Variants in IGFALS observed in about 807,000 individuals in gnomAD.
The protein encoded by IGFALS is insulin-like growth factor-binding protein complex acid labile subunit.
In IGFALS, 2 loss-of-function variants were observed where a neutral mutation model predicts 2.6. The ratio of observed to expected loss-of-function variants is 0.77; its 90% CI spans 0.32 to 2.44. The LOEUF (loss-of-function observed/expected upper bound fraction) is 2.44. IGFALS is among the 30% of genes most tolerant of loss of function. The pLI, the probability that IGFALS is intolerant of heterozygous loss-of-function variation, is 0.11. For missense variants in IGFALS, 996 were observed against 848.7 expected (o/e 1.17, Z -2.16); for synonymous variants, 519 against 431.9 (o/e 1.20, Z -2.50).
chr16:1,790,883 C>T lies in IGFALS; in HGVS notation c.1535G>A (p.Ser512Asn). The change falls in exon 2 of 2, where the codon AGC becomes AAC. Residue 512 changes from serine to asparagine, a missense_variant. Transcript: ENST00000215539. ...LAPLGRLRYL[S>N]LRNNSLRTFT... ...GGTCCGCAGTGAGTTGTTCCTGAGG[C>T]TGAGGTAGCGCAGCCGCCCCAGTGG... 3 of 1,571,894 alleles carry T rather than the reference C, an allele frequency of 1.9e-6. No individual in the cohort carries two copies. The highest frequency in any genetic ancestry group is 2.6e-6 in the Non-Finnish European group (3 of 1,161,868).
chr16:1,791,120 A>T lies in IGFALS; in HGVS notation c.1298T>A (p.Leu433Gln). The T allele has an allele frequency of 6.2e-7, 1 of 1,603,414 alleles. No homozygotes were observed. Among genetic ancestry groups the T allele is most frequent in the Non-Finnish European group, 8.5e-7 (1 of 1,179,618 alleles). The change falls in exon 2 of 2, where the codon CTG becomes CAG. Residue 433 changes from leucine (L) to glutamine (Q), a missense_variant. Physicochemically the swap from Leu to Gln is moderately radical, Grantham distance 113 (BLOSUM62 -2). Transcript: ENST00000215539. ...CAGGTCGAGCTCCAGCAGCTCCGCC[A>T]GCCCCCACAGGCTCTGCTCCTCAAT... ...VGIEEQSLWG[L>Q]AELLELDLTS...
chr16:1,791,268 C>A lies in IGFALS; in HGVS notation c.1150G>T (p.Gly384Cys). 6.2e-7 allele frequency: 1 copy of A among 1,609,292 alleles called. No individual in the cohort carries two copies. The highest frequency in any genetic ancestry group is 8.5e-7 in the Non-Finnish European group (1 of 1,179,908). ...TGCAGGCTGTGCAGCTTGCCCAGGC[C>A]CCGGAACACCTGCTCCGGAAGGTTC... Reference protein sequence around the residue: ...LRNLPEQVFRGLGKLHSLHLE... With the variant: ...LRNLPEQVFRCLGKLHSLHLE... Residue 384 changes from glycine (G) to cysteine (C), a missense_variant, in exon 2 of 2, where the codon GGC (glycine) becomes TGC (cysteine). Transcript: ENST00000215539.
Position 1,792,155 on chromosome 16 carries a change from G to A in IGFALS, c.263C>T (p.Ser88Phe). Residue 88 changes from serine to phenylalanine, a missense_variant, in exon 2 of 2, where the codon TCC (serine) becomes TTC (phenylalanine). Physicochemically the swap from Ser to Phe is radical, Grantham distance 155 (BLOSUM62 -2). Coordinates refer to ENST00000215539, the MANE Select transcript of IGFALS (RefSeq NM_004970.3). ...GTTCTGGAAGGCTGCCGGGGGGACG[G>A]ACGAGAGGTTGTTGCCGTCCAGCCA... ...ALWLDGNNLS[S>F]VPPAAFQNLS... is the part of the protein sequence containing the mutation. 1.2e-6 allele frequency: 2 copies of A among 1,611,520 alleles called. No individual in the cohort carries two copies. The highest frequency in any genetic ancestry group is 1.7e-6 in the Non-Finnish European group (2 of 1,179,714).
chr16:1,793,708 C>G (rs767834945), upstream of IGFALS: 1 of 1,531,644 alleles, frequency 6.5e-7, no homozygotes, highest in East Asian at 2.4e-5. Flanking sequence ...TCTGCTGTGC[C>G]GGCCACCCCT....
rs545455326 is a variant in IGFALS, at chr16:1,792,404, G to A, written c.17-3C>T. 4.8e-4 allele frequency: 742 copies of A among 1,560,880 alleles called. 8 individuals are homozygous for A. The South Asian group carries it at 8.3e-3, about 17-fold the overall frequency. On this transcript the variant is annotated splice_region_variant and splice_polypyrimidine_tract_variant and intron_variant, in intron 1 of 1. Coordinates refer to ENST00000215539, the MANE Select transcript of IGFALS (RefSeq NM_004970.3). ...CAGCAGCGCCAGGGCCAGGCCTCCT[G>A]CGGGGGGAGAGGCTTGGGGAGGCGG...
rs1481925827 is a variant in IGFALS, at chr16:1,791,040, G to C, written c.1378C>G (p.Leu460Val). 1 of 1,598,526 alleles carries C rather than the reference G, an allele frequency of 6.3e-7. No homozygotes were observed. The highest frequency in any genetic ancestry group is 8.5e-7 in the Non-Finnish European group (1 of 1,179,820). ...PHRLFQGLGKLEYLLLSRNRL... is the reference protein window; with the variant it reads ...PHRLFQGLGKVEYLLLSRNRL... ...TTGCGGGAGAGCAGCAGGTACTCCAGCTTGCCCAGGCCCTGGAAGAGGCGG... is the reference window on the plus strand; with the variant it reads ...TTGCGGGAGAGCAGCAGGTACTCCACCTTGCCCAGGCCCTGGAAGAGGCGG... Residue 460 changes from leucine (L) to valine (V), a missense_variant, in exon 2 of 2, where the codon CTG (leucine) becomes GTG (valine). Leu to Val is a conservative substitution (Grantham distance 32). Coordinates refer to ENST00000215539, the MANE Select transcript of IGFALS (RefSeq NM_004970.3).
chr16:1,794,601 G>C, upstream of IGFALS, among the ~76,000 whole-genome samples: 1 of 152,098 alleles, frequency 6.6e-6, no homozygotes, highest in Non-Finnish European at 1.5e-5. Flanking sequence ...CCCTCCACCT[G>C]CTCAAACCAC....
chr16:1,792,582 A>T, intron 1 of IGFALS, 181 bp from the exon 2 acceptor site: 1 of 1,205,788 alleles, frequency 8.3e-7, no homozygotes, highest in South Asian at 1.7e-5. Context: ...TGCGCTTCCC[A>T]CCCCATGGGA....
At chr16:1,793,829 C>A, upstream of IGFALS, 1 of 568,962 alleles carries the variant, frequency 1.8e-6, no homozygotes, top group Admixed American at 2.8e-5. Flanking sequence ...GGCATCAGCC[C>A]GGAGCCCTGG....
rs1267535360 is a variant in IGFALS at position 1,792,206 on chromosome 16, C to A, written c.212G>T (p.Gly71Val). 7 of 1,610,210 alleles carry A rather than the reference C, an allele frequency of 4.3e-6. No individual in the cohort carries two copies. The highest frequency in any genetic ancestry group is 5.9e-6 in the Non-Finnish European group (7 of 1,179,742). The change falls in exon 2 of 2, where the codon GGA becomes GTA. Residue 71 changes from glycine to valine, a missense_variant. By Grantham distance (109) the Gly-to-Val change is moderately radical (BLOSUM62 -3). Transcript: ENST00000215539. ...CAGGGCTTGGGTGCCGCCCGGGACT[C>A]CATCAGGCAGGCGCGTGAGGTTCCT... ...SSRNLTRLPD[G>V]VPGGTQALWL...
rs1282339848 is a variant in IGFALS at position 1,790,884 on chromosome 16, T to A, written c.1534A>T (p.Ser512Cys). Reference sequence around the variant, plus strand: ...GTCCGCAGTGAGTTGTTCCTGAGGCTGAGGTAGCGCAGCCGCCCCAGTGGT... The same window carrying A: ...GTCCGCAGTGAGTTGTTCCTGAGGCAGAGGTAGCGCAGCCGCCCCAGTGGT... ...LAPLGRLRYL[S>C]LRNNSLRTFT... The change falls in exon 2 of 2, where the codon AGC (serine) becomes TGC (cysteine). Residue 512 changes from serine (S) to cysteine (C), a missense_variant. By Grantham distance (112) the Ser-to-Cys change is moderately radical. Transcript: ENST00000215539. The A allele has an allele frequency of 6.4e-7, 1 of 1,572,548 alleles. No homozygotes were observed. The highest frequency in any genetic ancestry group is 1.2e-5 in the South Asian group (1 of 86,822).
chr16:1,794,584 C>T (rs1897293222), upstream of IGFALS, among the ~76,000 whole-genome samples: 1 of 152,178 alleles, frequency 6.6e-6, no homozygotes, highest in Non-Finnish European at 1.5e-5. Flanking sequence ...CCAGAGGCCC[C>T]TGGTTCCCCT....
chr16:1,792,501 G>C, intron 1 of IGFALS, 100 bp from the exon 2 acceptor site: 1 of 1,438,388 alleles, frequency 7.0e-7, no homozygotes, highest in African/African-American at 1.4e-5. Flanking sequence ...GTGAACTGAG[G>C]CTCGAGGTCA....
At position 1,792,226 on chromosome 16, in the gene IGFALS, G is replaced by A. The variant is rs201132128; in HGVS notation, c.192C>T (p.Asn64=). 3 of 1,606,904 alleles carry A rather than the reference G, an allele frequency of 1.9e-6. No individual in the cohort carries two copies. The highest frequency in any genetic ancestry group is 2.2e-5 in the East Asian group (1 of 44,824). The part of the protein sequence containing the change: ...DELSVFCSSR[N]LTRLPDGVPG... ...GGACTCCATCAGGCAGGCGCGTGAG[G>A]TTCCTGGAGCTGCAGAAGACGCTGA... The change falls in exon 2 of 2, where the codon AAC becomes AAT. Residue 64 remains asparagine, a synonymous_variant. Transcript: ENST00000215539.
At chr16:1,792,901 C>G (rs994809903) in intron 1 of IGFALS, among the ~76,000 whole-genome samples, 6 of 152,230 alleles carry the variant, frequency 3.9e-5, no homozygotes, top group East Asian at 3.9e-4. Context: ...TTAGGCCCCC[C>G]AGCGGGGTCT....
intron 1 of IGFALS, among the ~76,000 whole-genome samples, chr16:1,792,891 T>G (rs1429623114): frequency 1.3e-5 from 2 of 152,200 alleles, no homozygotes; most frequent in Non-Finnish European, 2.9e-5. Flanking sequence ...CCTGCCCCAG[T>G]TAGGCCCCCC....
In IGFALS at chr16:1,791,525, G is replaced by A; in HGVS notation, c.893C>T (p.Ser298Phe). ...CCGCAGGCTGGCGATGGCGTTGTGG[G>A]ACAGCCGCAGCACACGCAGGCCCAG... ...GLLGLRVLRL[S>F]HNAIASLRPR... The change falls in exon 2 of 2, where the codon TCC (serine) becomes TTC (phenylalanine). Residue 298 changes from serine to phenylalanine, a missense_variant. Ser to Phe is a radical substitution (Grantham distance 155). Coordinates refer to ENST00000215539, the MANE Select transcript of IGFALS (RefSeq NM_004970.3). 2 of 1,596,124 alleles carry A rather than the reference G, an allele frequency of 1.3e-6. No individual in the cohort carries two copies. Among genetic ancestry groups the A allele is most frequent in the Non-Finnish European group, 1.7e-6 (2 of 1,172,604 alleles).
Position 1,790,838 on chromosome 16 carries a change from C to T in IGFALS, c.1580G>A (p.Gly527Asp). The change falls in exon 2 of 2, where the codon GGC becomes GAC. Residue 527 changes from glycine (G) to aspartate (D), a missense_variant. Physicochemically the swap from Gly to Asp is moderately conservative, Grantham distance 94. Coordinates refer to ENST00000215539, the MANE Select transcript of IGFALS (RefSeq NM_004970.3). ...ACCCTCCAGCCACAGGCGCTCCAGGCCCGGGGGCTGCGGCGTGAAGGTCCG... is the reference window on the plus strand; with the variant it reads ...ACCCTCCAGCCACAGGCGCTCCAGGTCCGGGGGCTGCGGCGTGAAGGTCCG... ...SLRTFTPQPPGLERLWLEGNP... is the reference protein window; with the variant it reads ...SLRTFTPQPPDLERLWLEGNP... The T allele has an allele frequency of 6.4e-7, 1 of 1,567,944 alleles. No homozygotes were observed. Among genetic ancestry groups the T allele is most frequent in the African/African-American group, 1.4e-5 (1 of 73,884 alleles).
chr16:1,792,532 C>T (rs1044376501), intron 1 of IGFALS, 131 bp from the exon 2 acceptor site: 3 of 1,425,408 alleles, frequency 2.1e-6, no homozygotes, highest in Non-Finnish European at 2.8e-6. Flanking sequence ...TGCGAAGAAG[C>T]CGGTGAGCCC....
Sources: allele counts gnomAD v4.1 joint callset (sites outside exome capture counted in the v4.1 genomes callset), GRCh38; gene constraint gnomAD v4.1.1; transcripts MANE v1.5; gene names NCBI Gene and HGNC (gene_info 2026-07-23, HGNC 2026-07-21).